The following HYAL4 variants were observed in gnomAD, a reference collection of about 807,000 sequenced individuals.
HYAL4 encodes the protein hyaluronidase 4.
Under a neutral mutation model 35.2 loss-of-function variants are expected in HYAL4, and 37 were observed. The observed-to-expected ratio is 1.05, with a 90% confidence interval of 0.81 to 1.38. The LOEUF (loss-of-function observed/expected upper bound fraction) is 1.38, where lower values mean the gene tolerates loss of function less well. Among genes scored for constraint, HYAL4 ranks in the 40% most tolerant of loss-of-function variants. The pLI is 0.00. For synonymous variants in HYAL4, 198 were observed against 203.2 expected (o/e 0.97, Z 0.22); for missense variants, 572 against 572.4 (o/e 1.00, Z 0.01).
At chr7:123,840,150 A>T (rs943604658), upstream of HYAL4, among the ~76,000 whole-genome samples, 1 of 152,000 alleles carries the variant, frequency 6.6e-6, no homozygotes, top group Admixed American at 6.6e-5. Context: ...ATCCATCTTG[A>T]TTTAATTTTT....
rs547412682 is a variant in HYAL4, at chr7:123,868,029, T to C, written c.-51-194T>C. Among the ~76,000 whole-genome samples, 7 of 152,334 alleles carry C rather than the reference T, an allele frequency of 4.6e-5. No homozygotes were observed. In the East Asian group the frequency reaches 1.4e-3, roughly 29 times the overall value. ...GGTCTGGTGCTCCATGAATGTTTGTTGAATTGCATTTCCTGCCCCTGAATA... is the reference window on the plus strand; with the variant it reads ...GGTCTGGTGCTCCATGAATGTTTGTCGAATTGCATTTCCTGCCCCTGAATA... On this transcript the variant is annotated intron_variant, in intron 2 of 4. Transcript: ENST00000223026.
At chr7:123,874,595 C>T (rs879662879) in intron 3 of HYAL4, among the ~76,000 whole-genome samples, 166 bp from the exon 4 acceptor site, 6 of 152,040 alleles carry the variant, frequency 3.9e-5, no homozygotes, top group South Asian at 4.2e-4. Context: ...TCAGTAGAGA[C>T]GGGGTTTCAC....
chr7:123,856,587 C>T (rs1806443202), intron 2 of HYAL4, among the ~76,000 whole-genome samples: 1 of 152,100 alleles, frequency 6.6e-6, no homozygotes, highest in African/African-American at 2.4e-5. Flanking sequence ...AGGGCACCTG[C>T]CAGATGCCAG....
At position 123,853,924 on chromosome 7, in the gene HYAL4, A is replaced by G. The variant is rs932261207; in HGVS notation, c.-52+5766A>G. ...TTCAGAACTTGTTATTAGTCTATTC[A>G]GGGATTTGACTTCTTCCTGGTTTAG... On this transcript the variant is annotated intron_variant, in intron 2 of 4. Transcript: ENST00000223026. 7.2e-5 allele frequency among the ~76,000 whole-genome samples: 11 copies of G among 152,092 alleles called. 1 individual carries two copies. Among genetic ancestry groups the G allele is most frequent in the Admixed American group, 6.6e-4 (10 of 15,266 alleles).
the HYAL4 span, among the ~76,000 whole-genome samples, chr7:123,779,704 T>C: frequency 2.0e-5 from 3 of 152,164 alleles, no homozygotes; most frequent in Admixed American, 6.5e-5. Context: ...TTTTTAATAG[T>C]ATAAATTTAG....
chr7:123,830,130 A>T (rs955785364), intron 1 of HYAL4, among the ~76,000 whole-genome samples: 1 of 152,182 alleles, frequency 6.6e-6, no homozygotes, highest in African/African-American at 2.4e-5. Flanking sequence ...CAAGTTAAAA[A>T]CAGATCATGA....
chr7:123,795,915 C>T, the HYAL4 span, among the ~76,000 whole-genome samples: 1 of 152,008 alleles, frequency 6.6e-6, no homozygotes, highest in South Asian at 2.1e-4. Context: ...AGATTCTTAC[C>T]CCAATGGAGC....
chr7:123,771,806 T>TG, the HYAL4 span, among the ~76,000 whole-genome samples: 1 of 138,968 alleles, frequency 7.2e-6, no homozygotes, highest in African/African-American at 3.0e-5. Flanking sequence ...GGTTTGAGGT[T>TG]TTTTTTTTTT....
upstream of HYAL4, among the ~76,000 whole-genome samples, chr7:123,841,626 C>CT (rs1308760201): frequency 1.3e-5 from 2 of 151,546 alleles, no homozygotes; most frequent in Non-Finnish European, 2.9e-5. Flanking sequence ...TGGTCCTGGA[C>CT]TTTTTTTTGG....
At position 123,877,346 on chromosome 7, in the gene HYAL4, G is replaced by A. The variant is rs571381886; in HGVS notation, c.*191G>A. 567 of 564,424 alleles carry A rather than the reference G, an allele frequency of 1.0e-3. 1 individual carries two copies. The highest frequency in any genetic ancestry group is 2.2e-3 in the Admixed American group (68 of 30,522). The allele number at this position is 564,424 out of a possible 1,614,324, so 35.0% of individuals were successfully genotyped here. On this transcript the variant is annotated 3_prime_UTR_variant, in exon 5 of 5. Transcript: ENST00000223026. ...GTCTGGCTAGGAAACCAGATCTGGG[G>A]TAAAGTCAATGTACACTTCCTCCTT...
chr7:123,795,180 G>C, the HYAL4 span, among the ~76,000 whole-genome samples: 1 of 152,194 alleles, frequency 6.6e-6, no homozygotes, highest in African/African-American at 2.4e-5. Context: ...TGGAATGGGT[G>C]TATTTACCCA....
the HYAL4 span, among the ~76,000 whole-genome samples, chr7:123,808,144 CT>C: frequency 6.6e-6 from 1 of 151,710 alleles, no homozygotes; most frequent in Non-Finnish European, 1.5e-5. Flanking sequence ...CTTGGAATGC[CT>C]GATAATACAT....
chr7:123,845,721 G>A (rs188242136), intron 1 of HYAL4, 36 bp downstream of exon 1: 2 of 152,278 alleles, frequency 1.3e-5, no homozygotes, highest in East Asian at 3.9e-4. Context: ...GGATGTTAAA[G>A]AAAGTTGTTT....
the HYAL4 span, among the ~76,000 whole-genome samples, chr7:123,810,769 G>C: frequency 1.3e-5 from 2 of 152,162 alleles, no homozygotes; most frequent in Non-Finnish European, 2.9e-5. Context: ...CACCATTAAA[G>C]TATTACACAG....
the HYAL4 span, among the ~76,000 whole-genome samples, chr7:123,798,134 C>T: frequency 6.6e-6 from 1 of 152,268 alleles, no homozygotes; most frequent in African/African-American, 2.4e-5. Context: ...TTATTCAAGA[C>T]TCTGTAATGC....
At chr7:123,858,576 C>G (rs1314227508) in intron 2 of HYAL4, among the ~76,000 whole-genome samples, 1 of 151,954 alleles carries the variant, frequency 6.6e-6, no homozygotes, top group Admixed American at 6.6e-5. Context: ...GGGTAGTGTG[C>G]AAGATCCTCT....
At chr7:123,769,881 T>C in the HYAL4 span, among the ~76,000 whole-genome samples, 1 of 148,142 alleles carries the variant, frequency 6.8e-6, no homozygotes, top group Non-Finnish European at 1.5e-5. Flanking sequence ...CTGGGTAAAA[T>C]GTGATATGAG....
upstream of HYAL4, among the ~76,000 whole-genome samples, chr7:123,827,014 C>G (rs1378395542): frequency 6.6e-6 from 1 of 151,984 alleles, no homozygotes; most frequent in East Asian, 1.9e-4. Flanking sequence ...GTTTGAAATG[C>G]TTGTACAACA....
At chr7:123,795,881 T>C in the HYAL4 span, among the ~76,000 whole-genome samples, 1 of 152,174 alleles carries the variant, frequency 6.6e-6, no homozygotes, top group Non-Finnish European at 1.5e-5. Context: ...GTTGGATCCA[T>C]ATAGCTTGGA....
Sources: allele counts gnomAD v4.1 joint callset (sites outside exome capture counted in the v4.1 genomes callset), GRCh38; gene constraint gnomAD v4.1.1; transcripts MANE v1.5; gene names NCBI Gene and HGNC (gene_info 2026-07-23, HGNC 2026-07-21).